Variants in SYNE1 observed in about 807,000 individuals in gnomAD.
SYNE1 encodes nesprin-1.
In SYNE1, 616 loss-of-function variants were observed where a neutral mutation model predicts 1,111.0. The observed-to-expected ratio is 0.55, with a 90% CI of 0.52 to 0.59. The LOEUF is 0.59. SYNE1 is among the 20% of genes least tolerant of loss of function. The pLI is 0.00. For missense variants in SYNE1, 10,006 were observed against 10,417.0 expected (o/e 0.96, Z 1.72); for synonymous variants, 3,855 against 3,825.8 (o/e 1.01, Z -0.28).
At position 152,167,947 on chromosome 6, in the gene SYNE1, A is replaced by C; in HGVS notation, c.23628-3622T>G. 3 of 774,730 alleles carry C rather than the reference A, an allele frequency of 3.9e-6. No homozygotes were observed. The East Asian group carries it at 7.3e-5, about 19-fold the overall frequency. 48.0% of individuals were successfully genotyped at this position (774,730 alleles called of 1,614,324 possible). On this transcript the variant is annotated intron_variant, in intron 130 of 145. Transcript: ENST00000367255. ...AGTAGAGGTACTAGAAAACAAACCAACGAATAACTCTTGGGAGTCCACATG... is the reference window on the plus strand; with the variant it reads ...AGTAGAGGTACTAGAAAACAAACCACCGAATAACTCTTGGGAGTCCACATG...
chr6:152,316,456 G>A (rs761786306), intron 87 of SYNE1: 15 of 274,026 alleles, frequency 5.5e-5, no homozygotes, highest in African/African-American at 9.0e-5. Context: ...CCTGCATGGC[G>A]GAGCTTGGTT....
chr6:152,469,658 T>A (rs1019600274), intron 16 of SYNE1, among the ~76,000 whole-genome samples: 4 of 152,230 alleles, frequency 2.6e-5, no homozygotes, highest in African/African-American at 7.2e-5. Flanking sequence ...TGATTTGGTC[T>A]GTTAAGTTAA....
intron 91 of SYNE1, among the ~76,000 whole-genome samples, chr6:152,307,880 T>G (rs547824636): frequency 4.7e-4 from 71 of 152,318 alleles, no homozygotes; most frequent in Admixed American, 1.4e-3. Context: ...GTCGCCAGGT[T>G]GGAGTGCAGT....
In SYNE1 at chr6:152,399,803, T is replaced by C; in HGVS notation, c.7050A>G (p.Gln2350=). ...TAGAGCTGATGTTGCTTTGTTGACT[T>C]TGAAGTTCTTTTTGTATATCCTACA... ...KKVKDIQKEL[Q]SQQSNISSTQ... is the part of the protein sequence containing the mutation. Residue 2350 remains glutamine (Q), a synonymous_variant, in exon 48 of 146, where the codon CAA becomes CAG. Coordinates refer to ENST00000367255, the MANE Select transcript of SYNE1 (RefSeq NM_182961.4). The C allele has an allele frequency of 6.2e-7, 1 of 1,614,174 alleles. No individual in the cohort carries two copies. The highest frequency in any genetic ancestry group is 8.5e-7 in the Non-Finnish European group (1 of 1,180,000).
intron 143 of SYNE1, among the ~76,000 whole-genome samples, chr6:152,132,713 A>G (rs932338927): frequency 6.6e-6 from 1 of 152,162 alleles, no homozygotes; most frequent in Non-Finnish European, 1.5e-5. Context: ...AGGGCAAAGC[A>G]TGTGTTCATG....
chr6:152,171,081 T>C (rs546424016), intron 130 of SYNE1, among the ~76,000 whole-genome samples: 1 of 152,302 alleles, frequency 6.6e-6, no homozygotes, highest in Non-Finnish European at 1.5e-5. Context: ...GAACTGTGAG[T>C]CCATTAAACA....
In SYNE1 at chr6:152,563,439, T is replaced by C. The variant is rs570622765; in HGVS notation, c.68-23418A>G. Reference sequence around the variant, plus strand: ...TATAAAAAGTGCTTCAGATGCACTTTTGGTGAAAAAAAAGAGACATTTTTC... The same window carrying C: ...TATAAAAAGTGCTTCAGATGCACTTCTGGTGAAAAAAAAGAGACATTTTTC... On this transcript the variant is annotated intron_variant, in intron 3 of 145. Coordinates refer to ENST00000367255, the MANE Select transcript of SYNE1 (RefSeq NM_182961.4). 2.6e-4 allele frequency among the ~76,000 whole-genome samples: 40 copies of C among 152,278 alleles called. No homozygotes were observed. In the South Asian group the frequency reaches 7.3e-3, roughly 28 times the overall value.
intron 47 of SYNE1, among the ~76,000 whole-genome samples, chr6:152,400,095 T>C (rs576901263): frequency 6.6e-6 from 1 of 152,234 alleles, no homozygotes; most frequent in South Asian, 2.1e-4. Flanking sequence ...TAGGTCCTTA[T>C]AGATTCCAGT....
chr6:152,512,164 T>C (rs996850889), intron 6 of SYNE1, among the ~76,000 whole-genome samples: 4 of 152,130 alleles, frequency 2.6e-5, no homozygotes, highest in Non-Finnish European at 5.9e-5. Flanking sequence ...TTTACTAGTT[T>C]TACATCACAG....
chr6:152,318,129 G>C lies in SYNE1; in HGVS notation c.16524C>G (p.His5508Gln), dbSNP rs886044393. The C allele has an allele frequency of 9.3e-6, 15 of 1,614,074 alleles. No individual in the cohort carries two copies. In the South Asian group the frequency reaches 1.6e-4, roughly 18 times the overall value. Residue 5508 changes from histidine to glutamine, a missense_variant, in exon 86 of 146, where the codon CAC becomes CAG. Physicochemically the swap from His to Gln is conservative, Grantham distance 24 (BLOSUM62 0). Around this residue, in one of 7 missense-constraint regions of SYNE1, gnomAD observed 4,955 missense variants for 5,017.2 expected, o/e 0.99. Transcript: ENST00000367255. ...TCTCAGCTTGTCTAATGGTCTGCTG[G>C]TGAAGTTCAGTCAGTTTTCCTATCT... is the stretch of plus-strand genomic sequence containing the variant. ...AKKIGKLTEL[H>Q]QQTIRQAENR...
intron 44 of SYNE1, among the ~76,000 whole-genome samples, chr6:152,407,735 G>C (rs2097921113): frequency 6.7e-6 from 1 of 148,284 alleles, no homozygotes; most frequent in Admixed American, 6.7e-5. Flanking sequence ...AACAAAAATA[G>C]CATGTTAAAA....
intron 145 of SYNE1, among the ~76,000 whole-genome samples, chr6:152,123,705 A>C (rs2052286492): frequency 6.6e-6 from 1 of 152,268 alleles, no homozygotes; most frequent in Admixed American, 6.5e-5. Context: ...ACAAAAATAA[A>C]AGATGTAGCC....
At chr6:152,202,528 A>G (rs938710146) in intron 126 of SYNE1, among the ~76,000 whole-genome samples, 6 of 152,052 alleles carry the variant, frequency 3.9e-5, no homozygotes, top group African/African-American at 1.4e-4. Context: ...ATAATGCTCT[A>G]TGTTTCCATT....
At chr6:152,207,300 G>A (rs2076699061) in intron 125 of SYNE1, among the ~76,000 whole-genome samples, 1 of 152,160 alleles carries the variant, frequency 6.6e-6, no homozygotes, top group Non-Finnish European at 1.5e-5. Context: ...GATGCACATA[G>A]ACATAAACTC....
At chr6:152,167,386 C>G (rs2063885125) in intron 130 of SYNE1, among the ~76,000 whole-genome samples, 1 of 151,864 alleles carries the variant, frequency 6.6e-6, no homozygotes, top group Admixed American at 6.6e-5. Context: ...TATAATAGAA[C>G]AAAAATTACC....
At chr6:152,264,361 G>T (rs190268486) in intron 100 of SYNE1, among the ~76,000 whole-genome samples, 1 of 151,736 alleles carries the variant, frequency 6.6e-6, no homozygotes, top group African/African-American at 2.4e-5. Context: ...TTTGATGCAG[G>T]GCGTTTTGCT....
intron 3 of SYNE1, among the ~76,000 whole-genome samples, chr6:152,575,176 T>C (rs538274444): frequency 6.6e-6 from 1 of 152,346 alleles, no homozygotes; most frequent in South Asian, 2.1e-4. Context: ...GGGAATGTAA[T>C]AAATGCCCTA....
intron 87 of SYNE1, chr6:152,311,212 T>A (rs1292714124): frequency 3.3e-6 from 1 of 304,342 alleles, no homozygotes; most frequent in East Asian, 7.1e-5. Flanking sequence ...ATACTAGGTG[T>A]CTTATTTGTA....
intron 91 of SYNE1, among the ~76,000 whole-genome samples, chr6:152,304,546 A>G (rs1484616077): frequency 6.6e-6 from 1 of 151,812 alleles, no homozygotes; most frequent in African/African-American, 2.4e-5. Flanking sequence ...CTGGTCTCGA[A>G]CTCCTGATCT....
Sources: allele counts gnomAD v4.1 joint callset (sites outside exome capture counted in the v4.1 genomes callset), GRCh38; gene constraint gnomAD v4.1.1; regional missense constraint gnomAD v4.1.1; transcripts MANE v1.5; gene names NCBI Gene and HGNC (gene_info 2026-07-23, HGNC 2026-07-21).